Variants in EDA observed in about 807,000 individuals in gnomAD.
The protein encoded by EDA is ectodysplasin A.
EDA carries 2 observed loss-of-function variants against 23.6 expected under a neutral mutation model. The ratio of observed to expected loss-of-function variants is 0.08; its 90% CI spans 0.03 to 0.27. The LOEUF is 0.27. Ranked by LOEUF, EDA falls within the 10% of genes least tolerant of loss-of-function variation. EDA has a pLI of 1.00. For synonymous variants in EDA, 131 were observed against 132.0 expected (o/e 0.99, Z 0.05); for missense variants, 229 against 324.2 (o/e 0.71, Z 2.26).
chrX:69,949,644 A>C (rs943922161), intron 1 of EDA, among the ~76,000 whole-genome samples: 2 of 111,468 alleles, frequency 1.8e-5, no homozygotes, highest in Non-Finnish European at 3.8e-5. Context: ...GATCTCAAAA[A>C]CTAGGCCCAA....
chrX:69,870,721 C>T (rs2017553423), intron 1 of EDA, among the ~76,000 whole-genome samples: 1 of 111,456 alleles, frequency 9.0e-6, no homozygotes, highest in African/African-American at 3.3e-5. Context: ...TTGCAGGGTC[C>T]CATTTTTTTT....
chrX:69,843,761 G>C (rs1444374459), intron 1 of EDA, among the ~76,000 whole-genome samples: 1 of 111,343 alleles, frequency 9.0e-6, no homozygotes, highest in Non-Finnish European at 1.9e-5. Flanking sequence ...GGTGGCTCAC[G>C]CCTGTAATCC....
At chrX:69,790,404 T>C (rs897045313) in intron 1 of EDA, among the ~76,000 whole-genome samples, 10 of 110,243 alleles carry the variant, frequency 9.1e-5, no homozygotes, top group African/African-American at 3.3e-4. Flanking sequence ...ATACTACTTT[T>C]ACCCGTTAAA....
intron 2 of EDA, among the ~76,000 whole-genome samples, chrX:70,015,731 A>G (rs2019938754): frequency 8.9e-6 from 1 of 112,110 alleles, no homozygotes; most frequent in Non-Finnish European, 1.9e-5. Flanking sequence ...AGTGGTAAAT[A>G]TGGAAATGAA....
At chrX:69,645,527 T>C (rs1452082361) in intron 1 of EDA, among the ~76,000 whole-genome samples, 3 of 94,578 alleles carry the variant, frequency 3.2e-5, no homozygotes, top group Non-Finnish European at 6.2e-5. Flanking sequence ...CTGATCTTTG[T>C]TATTTCTTGT....
At chrX:69,828,377 G>A (rs915965139) in intron 1 of EDA, among the ~76,000 whole-genome samples, 1 of 112,544 alleles carries the variant, frequency 8.9e-6, no homozygotes, top group African/African-American at 3.2e-5. Flanking sequence ...GACCCTCCGA[G>A]TCAGGTGTGG....
At chrX:69,838,287 A>G (rs1041540592) in intron 1 of EDA, among the ~76,000 whole-genome samples, 1 of 113,274 alleles carries the variant, frequency 8.8e-6, no homozygotes, top group African/African-American at 3.2e-5. Context: ...AATGATCTTT[A>G]CATTAGCTAA....
At chrX:70,033,624 A>G (rs2020228717) in intron 7 of EDA, 96 bp downstream of exon 7, 4 of 881,078 alleles carry the variant, frequency 4.5e-6, no homozygotes, top group Admixed American at 2.6e-5. Flanking sequence ...AGACCATCCA[A>G]TGGCTAACTT....
At chrX:69,717,626 TCTC>T (rs997557055) in intron 1 of EDA, among the ~76,000 whole-genome samples, 3 of 109,158 alleles carry the variant, frequency 2.7e-5, no homozygotes, top group African/African-American at 1.0e-4. Flanking sequence ...TTCACACCAT[TCTC>T]CTGCCTCAGC....
At chrX:69,627,177 G>A (rs1212485916) in intron 1 of EDA, among the ~76,000 whole-genome samples, 1 of 111,428 alleles carries the variant, frequency 9.0e-6, no homozygotes, top group Non-Finnish European at 1.9e-5. Context: ...AGAACTCAGG[G>A]TGCATGTGGG....
chrX:69,962,713 G>A (rs2019119441), intron 2 of EDA, among the ~76,000 whole-genome samples: 1 of 112,080 alleles, frequency 8.9e-6, no homozygotes, highest in South Asian at 3.8e-4. Flanking sequence ...TCACAGGCAC[G>A]AGCCACTGCA....
chrX:69,670,716 T>A (rs1042917829), intron 1 of EDA, among the ~76,000 whole-genome samples: 3 of 110,811 alleles, frequency 2.7e-5, no homozygotes, highest in African/African-American at 9.8e-5. Flanking sequence ...TGTATTTTTT[T>A]AATTTTGCTG....
chrX:69,630,991 C>T lies in EDA; in HGVS notation c.396+14287C>T, dbSNP rs1932554190. ...TAGGTAGGTCATTTCATCTTTCTGG[C>T]TCTCTGTTTACTTATCTGCAAAATG... On this transcript the variant is annotated intron_variant, in intron 1 of 7. Transcript: ENST00000374552. Among the ~76,000 whole-genome samples, 9 of 111,426 alleles carry T rather than the reference C, an allele frequency of 8.1e-5. No homozygotes were observed. The South Asian group carries it at 3.4e-3, about 43-fold the overall frequency.
intron 1 of EDA, among the ~76,000 whole-genome samples, chrX:69,721,652 C>T (rs1015642534): frequency 9.0e-6 from 1 of 110,956 alleles, no homozygotes. Context: ...AATGAGCCCA[C>T]GTGGGCTGAT....
At chrX:69,637,922 T>TTGG (rs1309332864) in intron 1 of EDA, among the ~76,000 whole-genome samples, 8 of 110,400 alleles carry the variant, frequency 7.2e-5, no homozygotes, top group African/African-American at 2.6e-4. Flanking sequence ...TCATGGTTAT[T>TTGG]TGGTGGTGGT....
chrX:69,851,912 G>A (rs1018998000), intron 1 of EDA, among the ~76,000 whole-genome samples: 1 of 111,839 alleles, frequency 8.9e-6, no homozygotes, highest in African/African-American at 3.2e-5. Flanking sequence ...AAGTCAAGAT[G>A]ATTCTGATGC....
At chrX:69,819,670 G>A (rs754687583) in intron 1 of EDA, among the ~76,000 whole-genome samples, 1 of 110,764 alleles carries the variant, frequency 9.0e-6, no homozygotes, top group South Asian at 3.8e-4. Context: ...GGCTAACAAG[G>A]GACATGAAGG....
intron 1 of EDA, among the ~76,000 whole-genome samples, chrX:69,858,590 G>A (rs144021326): frequency 0.011 from 1,201 of 111,691 alleles, 15 homozygotes; most frequent in African/African-American, 0.038. Flanking sequence ...ATATTTGATC[G>A]TGGTGGATAA....
chrX:69,771,573 G>T (rs2014640957), intron 1 of EDA, among the ~76,000 whole-genome samples: 1 of 111,589 alleles, frequency 9.0e-6, no homozygotes, highest in African/African-American at 3.3e-5. Context: ...TCTTTTTGGG[G>T]TGATCAAAAT....
Sources: allele counts gnomAD v4.1 joint callset (sites outside exome capture counted in the v4.1 genomes callset), GRCh38; gene constraint gnomAD v4.1.1; transcripts MANE v1.5; gene names NCBI Gene and HGNC (gene_info 2026-07-23, HGNC 2026-07-21).